Variants in MREG observed in about 807,000 individuals in gnomAD.
The protein encoded by MREG is melanoregulin.
A neutral mutation model predicts 28.5 loss-of-function variants in MREG; 31 were observed. The observed-to-expected ratio is 1.09, with a 90% CI of 0.82 to 1.47. MREG has a LOEUF of 1.47. MREG is among the 40% of genes most tolerant of loss of function. MREG has a pLI of 0.00. For synonymous variants in MREG, 106 were observed against 95.2 expected (o/e 1.11, Z -0.66); for missense variants, 256 against 257.4 (o/e 0.99, Z 0.04).
intron 2 of MREG, among the ~76,000 whole-genome samples, chr2:215,970,761 C>A (rs116017742): frequency 6.6e-6 from 1 of 152,122 alleles, no homozygotes; most frequent in Non-Finnish European, 1.5e-5. Flanking sequence ...CGAGAAAGCA[C>A]GCTGCAAAGA....
chr2:216,017,565 C>T (rs923149813), upstream of MREG, among the ~76,000 whole-genome samples: 5 of 152,118 alleles, frequency 3.3e-5, no homozygotes, highest in African/African-American at 1.2e-4. Context: ...AAGCCAACAC[C>T]GCCAACCACA....
chr2:215,988,908 T>A (rs912729097), intron 2 of MREG, among the ~76,000 whole-genome samples: 2 of 152,128 alleles, frequency 1.3e-5, no homozygotes, highest in Admixed American at 6.5e-5. Context: ...GGCTTATAGA[T>A]AAAACTCCCA....
At chr2:216,030,697 C>A (rs1694666249) in intron 1 of MREG, among the ~76,000 whole-genome samples, 1 of 151,260 alleles carries the variant, frequency 6.6e-6, no homozygotes. Context: ...CATGCACCAC[C>A]ACAACTGGCT....
chr2:215,995,131 C>G (rs1373257804), intron 2 of MREG, among the ~76,000 whole-genome samples: 1 of 152,174 alleles, frequency 6.6e-6, no homozygotes, highest in Non-Finnish European at 1.5e-5. Context: ...TTGGCAGCAG[C>G]AGGATTTATG....
chr2:215,947,185 T>A, intron 2 of MREG, 72 bp from the exon 3 acceptor site: 1 of 926,958 alleles, frequency 1.1e-6, no homozygotes, highest in Non-Finnish European at 1.7e-6. Flanking sequence ...CCAAACTTCA[T>A]GTTGCCTAAA....
At chr2:216,021,362 A>C (rs1694518064) in intron 1 of MREG, among the ~76,000 whole-genome samples, 1 of 152,206 alleles carries the variant, frequency 6.6e-6, no homozygotes, top group African/African-American at 2.4e-5. Context: ...TGCTGGGATT[A>C]CAGGCGTGAG....
intron 2 of MREG, among the ~76,000 whole-genome samples, chr2:215,989,099 G>A (rs902184955): frequency 6.6e-6 from 1 of 152,156 alleles, no homozygotes; most frequent in Non-Finnish European, 1.5e-5. Context: ...TCCTGACCAG[G>A]AGACACCTCC....
chr2:215,943,672 T>G lies in MREG; in HGVS notation c.*1191A>C. 2 of 349,666 alleles carry G rather than the reference T, an allele frequency of 5.7e-6. No individual in the cohort carries two copies. The highest frequency in any genetic ancestry group is 1.1e-5 in the Non-Finnish European group (2 of 176,874). The allele number at this position is 349,666 out of a possible 1,614,324, so 21.7% of individuals were successfully genotyped here. A position where few individuals can be genotyped will look rare whatever the true frequency, so the allele number is the denominator to read the frequency against. ...GTGGCTAACATGGTGAAACCCCGTC[T>G]CTACTAAAAATACAAAAAATTAGCC... is the stretch of plus-strand genomic sequence containing the variant. On this transcript the variant is annotated 3_prime_UTR_variant, in exon 5 of 5. Transcript: ENST00000263268.
At chr2:216,030,452 A>G (rs1175997053) in intron 1 of MREG, among the ~76,000 whole-genome samples, 1 of 152,230 alleles carries the variant, frequency 6.6e-6, no homozygotes, top group Non-Finnish European at 1.5e-5. Flanking sequence ...AGTTTTTGTA[A>G]GGCTAAAATG....
chr2:215,949,273 A>G (rs1425249127), intron 2 of MREG, among the ~76,000 whole-genome samples: 1 of 148,998 alleles, frequency 6.7e-6, no homozygotes, highest in Non-Finnish European at 1.5e-5. Flanking sequence ...AAAAAAAAAA[A>G]AGAGGGCCAG....
Position 215,979,488 on chromosome 2 carries a change from T to A in MREG, c.255+16818A>T, listed in dbSNP as rs866036996. Among the ~76,000 whole-genome samples the A allele has an allele frequency of 4.0e-3, 573 of 142,702 alleles. 5 individuals are homozygous for A. Among genetic ancestry groups the A allele is most frequent in the African/African-American group, 0.015 (528 of 36,244 alleles). The allele number at this position is 142,702 out of a possible 152,430, so 93.6% of individuals were successfully genotyped here. A position where few individuals can be genotyped will look rare whatever the true frequency, so the allele number is the denominator to read the frequency against. ...CAAAAAATAATAATAATAATAATAATAATAATAATAATAATAATAATAATA... is the reference window on the plus strand; with the variant it reads ...CAAAAAATAATAATAATAATAATAAAAATAATAATAATAATAATAATAATA... On this transcript the variant is annotated intron_variant, in intron 2 of 4. Coordinates refer to ENST00000263268, the MANE Select transcript of MREG (RefSeq NM_018000.3).
chr2:215,959,823 C>T (rs1288798486), intron 2 of MREG, among the ~76,000 whole-genome samples: 5 of 152,216 alleles, frequency 3.3e-5, no homozygotes, highest in Admixed American at 2.6e-4. Context: ...CCTACTCACC[C>T]TTCAAGGCTC....
chr2:215,968,349 G>C (rs1693000835), intron 2 of MREG, among the ~76,000 whole-genome samples: 1 of 152,132 alleles, frequency 6.6e-6, no homozygotes. Context: ...TTTTAATCTT[G>C]CTTCGGCAGG....
At chr2:216,020,041 C>A (rs2372684) in intron 1 of MREG, among the ~76,000 whole-genome samples, 109,225 of 151,940 alleles carry the variant, frequency 0.72, 39,434 homozygotes, top group African/African-American at 0.77. Context: ...AAAACACATA[C>A]GCTGGGCTGG....
chr2:215,951,296 C>T (rs1378437791), intron 2 of MREG, among the ~76,000 whole-genome samples: 1 of 152,176 alleles, frequency 6.6e-6, no homozygotes, highest in Non-Finnish European at 1.5e-5. Flanking sequence ...AAGAAACTAA[C>T]TCCGCTACTC....
rs1692235500 is a variant in MREG, at chr2:215,943,568, G to A, written c.*1295C>T. 5.3e-5 allele frequency: 24 copies of A among 450,542 alleles called. No individual in the cohort carries two copies. Among genetic ancestry groups the A allele is most frequent in the South Asian group, 3.6e-4 (23 of 63,556 alleles). The allele number at this position is 450,542 out of a possible 1,614,324, so 27.9% of individuals were successfully genotyped here. A position where few individuals can be genotyped will look rare whatever the true frequency, so the allele number is the denominator to read the frequency against. ...TAAAATGCCAAGGGCTTGGCCGGGC[G>A]CGGTGACTCACGCCTGTAATCCCAG... On this transcript the variant is annotated 3_prime_UTR_variant, in exon 5 of 5. Coordinates refer to ENST00000263268, the MANE Select transcript of MREG (RefSeq NM_018000.3).
At chr2:215,993,961 G>GAAGAGGGCTTTGTCGTTCATGT (rs1559190718) in intron 2 of MREG, among the ~76,000 whole-genome samples, 1 of 152,084 alleles carries the variant, frequency 6.6e-6, no homozygotes, top group African/African-American at 2.4e-5. Context: ...TACACTGTTG[G>GAAGAGGGCTTTGTCGTTCATGT]TGGGAGTGTA....
intron 2 of MREG, among the ~76,000 whole-genome samples, chr2:215,989,360 A>C (rs1273876498): frequency 6.6e-6 from 1 of 152,222 alleles, no homozygotes; most frequent in African/African-American, 2.4e-5. Context: ...CATGAACAAA[A>C]AGAGCATCCA....
chr2:215,951,632 C>CAAGTCAAA (rs1692489523), intron 2 of MREG, among the ~76,000 whole-genome samples: 3 of 152,120 alleles, frequency 2.0e-5, no homozygotes, highest in Non-Finnish European at 2.9e-5. Context: ...TACCTGAGAA[C>CAAGTCAAA]AAGTCAAAAC....
Sources: allele counts gnomAD v4.1 joint callset (sites outside exome capture counted in the v4.1 genomes callset), GRCh38; gene constraint gnomAD v4.1.1; transcripts MANE v1.5; gene names NCBI Gene and HGNC (gene_info 2026-07-23, HGNC 2026-07-21).